The following TRPM3 variants were observed in gnomAD, a reference collection of about 807,000 sequenced individuals.
The protein encoded by TRPM3 is long transient receptor potential channel 3.
In TRPM3, 77 loss-of-function variants were observed where a neutral mutation model predicts 181.2. That is an observed-to-expected ratio of 0.42 (90% CI 0.35 to 0.51). TRPM3 has a LOEUF of 0.51. TRPM3 is among the 20% of genes least tolerant of loss of function. The pLI is 0.01. For synonymous variants in TRPM3, 745 were observed against 796.4 expected, an observed-to-expected ratio of 0.94 and a Z score of 1.09; for missense variants, 1,759 against 2,196.7, an observed-to-expected ratio of 0.80 and a Z score of 3.98.
chr9:70,644,935 T>C (rs1045913372), intron 9 of TRPM3, among the ~76,000 whole-genome samples: 8 of 152,146 alleles, frequency 5.3e-5, no homozygotes, highest in African/African-American at 1.9e-4. Flanking sequence ...GAAAGCCAAA[T>C]CATGAGTGAA....
chr9:70,865,769 C>T (rs1369504953), intron 1 of TRPM3, among the ~76,000 whole-genome samples: 1 of 151,994 alleles, frequency 6.6e-6, no homozygotes, highest in African/African-American at 2.4e-5. Context: ...TTACAAGGAG[C>T]AACATGAGCC....
chr9:71,078,808 A>T (rs2063812750), intron 1 of TRPM3, among the ~76,000 whole-genome samples: 1 of 151,618 alleles, frequency 6.6e-6, no homozygotes, highest in African/African-American at 2.4e-5. Flanking sequence ...TTTCATTTCA[A>T]TTTAGAGCAT....
intron 1 of TRPM3, among the ~76,000 whole-genome samples, chr9:70,878,027 C>T (rs1313267559): frequency 2.0e-5 from 3 of 151,912 alleles, no homozygotes; most frequent in Non-Finnish European, 2.9e-5. Context: ...CTGATGTGCA[C>T]ATTAACATTA....
intron 1 of TRPM3, among the ~76,000 whole-genome samples, chr9:70,974,567 CAAAT>C (rs796777760): frequency 2.3e-5 from 3 of 132,012 alleles, no homozygotes; most frequent in African/African-American, 8.4e-5. Flanking sequence ...AACAAACAAA[CAAAT>C]ACAAAAAATT....
intron 1 of TRPM3, among the ~76,000 whole-genome samples, chr9:71,031,757 A>G (rs2057331669): frequency 6.6e-6 from 1 of 150,774 alleles, no homozygotes; most frequent in Admixed American, 6.7e-5. Context: ...ATCCTACCCT[A>G]AATGTGTTTG....
At chr9:71,257,379 A>G (rs2082738293) in intron 1 of TRPM3, among the ~76,000 whole-genome samples, 1 of 152,156 alleles carries the variant, frequency 6.6e-6, no homozygotes, top group African/African-American at 2.4e-5. Flanking sequence ...GTAACTTAGT[A>G]GATGGTGGGA....
chr9:71,031,952 T>TATATATA (rs2057355310), intron 1 of TRPM3, among the ~76,000 whole-genome samples: 2 of 5,874 alleles, frequency 3.4e-4, no homozygotes, highest in Non-Finnish European at 4.5e-4. Context: ...GGTTAATATA[T>TATATATA]ATATAATTAT....
At chr9:71,432,323 CTTTTTTTTTTTTT>C in intron 1 of TRPM3, among the ~76,000 whole-genome samples, 1 of 76,650 alleles carries the variant, frequency 1.3e-5, no homozygotes, top group African/African-American at 4.8e-5. Context: ...AAAAGTAGGA[CTTTTTTTTTTTTT>C]TTTTTTTTTT....
chr9:71,367,891 T>A (rs896731782), intron 1 of TRPM3, among the ~76,000 whole-genome samples: 1 of 152,204 alleles, frequency 6.6e-6, no homozygotes. Flanking sequence ...CTACTTCAAA[T>A]GTCTTAAATT....
intron 8 of TRPM3, among the ~76,000 whole-genome samples, chr9:70,745,733 T>G (rs2075040064): frequency 6.6e-6 from 1 of 152,206 alleles, no homozygotes; most frequent in African/African-American, 2.4e-5. Flanking sequence ...GTCATTGGTG[T>G]TAAACAGGGA....
At chr9:71,179,154 A>G (rs1321890519) in intron 1 of TRPM3, among the ~76,000 whole-genome samples, 1 of 152,130 alleles carries the variant, frequency 6.6e-6, no homozygotes, top group Non-Finnish European at 1.5e-5. Flanking sequence ...TTTGGGAGAA[A>G]GAAGCAACAC....
chr9:71,139,540 G>A (rs1165032208), intron 1 of TRPM3, among the ~76,000 whole-genome samples: 2 of 152,012 alleles, frequency 1.3e-5, no homozygotes, highest in Non-Finnish European at 2.9e-5. Flanking sequence ...ATACTAAAAG[G>A]GTAATAAAAG....
At chr9:70,917,064 A>G in intron 1 of TRPM3, 1 of 1,595,592 alleles carries the variant, frequency 6.3e-7, no homozygotes, top group East Asian at 2.2e-5. Flanking sequence ...GAAAAATAGC[A>G]CTGAGGAAAG....
chr9:70,758,021 G>A (rs746581920), intron 8 of TRPM3, among the ~76,000 whole-genome samples: 7 of 152,202 alleles, frequency 4.6e-5, no homozygotes, highest in Admixed American at 1.3e-4. Context: ...ATTCAAATAG[G>A]AAGAGAGGAA....
At chr9:70,814,903 C>T (rs1382317688) in intron 6 of TRPM3, among the ~76,000 whole-genome samples, 1 of 151,894 alleles carries the variant, frequency 6.6e-6, no homozygotes, top group Non-Finnish European at 1.5e-5. Flanking sequence ...TTCCCTCCCC[C>T]TCCCTTCCTT....
chr9:71,368,315 T>C (rs1191955497), intron 1 of TRPM3, among the ~76,000 whole-genome samples: 1 of 152,180 alleles, frequency 6.6e-6, no homozygotes, highest in African/African-American at 2.4e-5. Flanking sequence ...ACCCTGAATC[T>C]TTCACTAGCC....
At chr9:70,881,056 T>G (rs1349877614) in intron 1 of TRPM3, among the ~76,000 whole-genome samples, 3 of 152,170 alleles carry the variant, frequency 2.0e-5, no homozygotes, top group Admixed American at 2.0e-4. Context: ...GGATTCTTTT[T>G]TTAAAATGAC....
chr9:70,888,081 T>C (rs1393103200), intron 1 of TRPM3, among the ~76,000 whole-genome samples: 1 of 152,166 alleles, frequency 6.6e-6, no homozygotes, highest in African/African-American at 2.4e-5. Flanking sequence ...AGATTGCCAT[T>C]TGAACCATTC....
upstream of TRPM3, among the ~76,000 whole-genome samples, chr9:71,122,637 A>C (rs2073771721): frequency 6.6e-6 from 1 of 152,186 alleles, no homozygotes; most frequent in Non-Finnish European, 1.5e-5. Flanking sequence ...GAGTGGTGCA[A>C]GCAGATGTGA....
Sources: allele counts gnomAD v4.1 joint callset (sites outside exome capture counted in the v4.1 genomes callset), GRCh38; gene constraint gnomAD v4.1.1; transcripts MANE v1.5; gene names NCBI Gene and HGNC (gene_info 2026-07-23, HGNC 2026-07-21).